Variants in KBTBD3 observed in about 807,000 individuals in gnomAD.
KBTBD3 encodes the protein kelch repeat and BTB domain containing 3.
KBTBD3 carries 38 observed loss-of-function variants against 49.6 expected under a neutral mutation model. The ratio of observed to expected loss-of-function variants is 0.77; its 90% CI spans 0.59 to 1.00. The LOEUF (loss-of-function observed/expected upper bound fraction) is 1.00, where lower values mean the gene tolerates loss of function less well. KBTBD3 is among the 50% of genes least tolerant of loss of function. The pLI is 0.00. For missense variants in KBTBD3, 661 were observed against 712.0 expected, an observed-to-expected ratio of 0.93 and a Z score of 0.81; for synonymous variants, 214 against 250.4, an observed-to-expected ratio of 0.85 and a Z score of 1.37.
In KBTBD3 at chr11:106,059,000, T is replaced by C. The variant is rs75373211; in HGVS notation, c.98A>G (p.Asp33Gly). Residue 33 changes from aspartate to glycine, a missense_variant, in exon 3 of 4, where the codon GAT (aspartate) becomes GGT (glycine). Physicochemically the swap from Asp to Gly is moderately conservative, Grantham distance 94. Transcript: ENST00000531837. ...TACACTTAAGATTTTTTGTCCATGA[T>C]CTTCTGATACAAGGAAGTTGTTTTT... ...EKKNNFLVSE[D>G]HGQKILSVLQ... 6.4e-6 allele frequency: 10 copies of C among 1,559,976 alleles called. No individual in the cohort carries two copies. The highest frequency in any genetic ancestry group is 8.6e-6 in the Non-Finnish European group (10 of 1,162,874).
chr11:106,052,837 C>T lies in KBTBD3; in HGVS notation c.*13G>A, dbSNP rs3737347. On this transcript the variant is annotated 3_prime_UTR_variant, in exon 4 of 4. Coordinates refer to ENST00000531837, the MANE Select transcript of KBTBD3 (RefSeq NM_198439.3). Reference sequence around the variant, plus strand: ...TACTTTAGGTTACTAGAACTGGACTCGTTTTAGAATGTTCAAGCACATAGA... The same window carrying T: ...TACTTTAGGTTACTAGAACTGGACTTGTTTTAGAATGTTCAAGCACATAGA... 280,934 of 1,585,156 alleles carry T rather than the reference C, an allele frequency of 0.18. 27,044 individuals carry two copies. The highest frequency in any genetic ancestry group is 0.38 in the East Asian group (16,706 of 44,540).
At chr11:106,064,880 C>T (rs1358826135) in intron 2 of KBTBD3, among the ~76,000 whole-genome samples, 1 of 152,170 alleles carries the variant, frequency 6.6e-6, no homozygotes, top group African/African-American at 2.4e-5. Context: ...TCTATATTTT[C>T]ATCCACTAAA....
chr11:106,064,474 G>A (rs923917424), intron 2 of KBTBD3, among the ~76,000 whole-genome samples: 2 of 151,640 alleles, frequency 1.3e-5, no homozygotes, highest in Admixed American at 1.3e-4. Context: ...AGCCTGGGAG[G>A]CAGAGGTTGC....
At chr11:106,069,050 TC>T (rs1323319513) in intron 2 of KBTBD3, among the ~76,000 whole-genome samples, 1 of 151,968 alleles carries the variant, frequency 6.6e-6, no homozygotes, top group East Asian at 1.9e-4. Flanking sequence ...GGGGAAAAGT[TC>T]CCCCTTCTCA....
intron 2 of KBTBD3, among the ~76,000 whole-genome samples, chr11:106,062,991 T>C (rs911534289): frequency 6.6e-6 from 1 of 152,264 alleles, no homozygotes; most frequent in Non-Finnish European, 1.5e-5. Context: ...TCTTCTTTTC[T>C]AATATTTATA....
intron 2 of KBTBD3, among the ~76,000 whole-genome samples, chr11:106,059,455 C>A (rs934848818): frequency 1.3e-5 from 2 of 152,126 alleles, no homozygotes; most frequent in African/African-American, 4.8e-5. Context: ...TTATTTCTAA[C>A]ATAGTTTTGA....
intron 2 of KBTBD3, among the ~76,000 whole-genome samples, chr11:106,074,230 CA>C (rs936224241): frequency 5.3e-5 from 8 of 151,512 alleles, no homozygotes; most frequent in African/African-American, 1.9e-4. Flanking sequence ...AAACATCAAA[CA>C]AAAATCTGTC....
At position 106,053,593 on chromosome 11, in the gene KBTBD3, A is replaced by G. The variant is rs369149125; in HGVS notation, c.1096T>C (p.Tyr366His). ...RTVRLHIAES[Y>H]HDATDQTWCY... is the part of the protein sequence containing the mutation. ...CAGGTTTGATCAGTGGCATCATGAT[A>G]TGACTCGGCAATATGCAGTCGAACC... Residue 366 changes from tyrosine (Y) to histidine (H), a missense_variant, in exon 4 of 4, where the codon TAT (tyrosine) becomes CAT (histidine). Physicochemically the swap from Tyr to His is moderately conservative, Grantham distance 83. Transcript: ENST00000531837. 6 of 1,613,782 alleles carry G rather than the reference A, an allele frequency of 3.7e-6. No homozygotes were observed. The African/African-American group carries it at 6.7e-5, about 18-fold the overall frequency.
rs1860426766 is a variant in KBTBD3 at position 106,051,926 on chromosome 11, A to C, written c.*924T>G. On this transcript the variant is annotated 3_prime_UTR_variant, in exon 4 of 4. Transcript: ENST00000531837. Reference sequence around the variant, plus strand: ...ATCCTGAAATGTTTTATGTAGCTGAAATTTGGATAAAGCTTAAGAAATGCC... The same window carrying C: ...ATCCTGAAATGTTTTATGTAGCTGACATTTGGATAAAGCTTAAGAAATGCC... The C allele has an allele frequency of 6.6e-6, 1 of 151,938 alleles. No homozygotes were observed. The allele number at this position is 151,938 out of a possible 1,614,324, so 9.4% of individuals were successfully genotyped here.
intron 2 of KBTBD3, 112 bp from the exon 3 acceptor site, chr11:106,059,221 A>G (rs1382857105): frequency 1.7e-6 from 1 of 589,086 alleles, no homozygotes; most frequent in Non-Finnish European, 2.9e-6. Flanking sequence ...GAAAAATAAT[A>G]AGACAGTAAA....
intron 2 of KBTBD3, among the ~76,000 whole-genome samples, chr11:106,068,112 G>T (rs577427933): frequency 6.7e-6 from 1 of 148,980 alleles, no homozygotes; most frequent in Non-Finnish European, 1.5e-5. Context: ...AGCAAAAACT[G>T]ATAAAACTGA....
chr11:106,052,138 T>A lies in KBTBD3; in HGVS notation c.*712A>T, dbSNP rs1231637000. ...AGAACTACTAATTAAATCCAGAATG[T>A]TAATTTACTAAGATTGAACCAGAAA... On this transcript the variant is annotated 3_prime_UTR_variant, in exon 4 of 4. Transcript: ENST00000531837. 1 of 151,708 alleles carries A rather than the reference T, an allele frequency of 6.6e-6. No homozygotes were observed. The highest frequency in any genetic ancestry group is 2.4e-5 in the African/African-American group (1 of 41,348). 9.4% of individuals were successfully genotyped at this position (151,708 alleles called of 1,614,324 possible).
Position 106,052,920 on chromosome 11 carries a change from G to A in KBTBD3, c.1769C>T (p.Thr590Ile), listed in dbSNP as rs766874656. 1.2e-6 allele frequency: 2 copies of A among 1,613,564 alleles called. No homozygotes were observed. Among genetic ancestry groups the A allele is most frequent in the South Asian group, 1.1e-5 (1 of 91,076 alleles). The stretch of plus-strand genomic sequence containing the variant: ...CTGAATCACCTGGCAGTAAAATTCT[G>A]TTAAGGCTCTAGGCATTGGTGAAAC... ...EEVSPMPRAL[T>I]EFYCQVIQFN... Residue 590 changes from threonine (T) to isoleucine (I), a missense_variant, in exon 4 of 4, where the codon ACA (threonine) becomes ATA (isoleucine). Transcript: ENST00000531837.
At chr11:106,074,031 A>G (rs1044549452) in intron 2 of KBTBD3, among the ~76,000 whole-genome samples, 2 of 152,174 alleles carry the variant, frequency 1.3e-5, no homozygotes, top group African/African-American at 4.8e-5. Context: ...TGTGGCAGGT[A>G]CTATTCTAGA....
At chr11:106,055,596 T>C (rs1860535199) in intron 3 of KBTBD3, among the ~76,000 whole-genome samples, 1 of 152,156 alleles carries the variant, frequency 6.6e-6, no homozygotes, top group East Asian at 1.9e-4. Context: ...AGGATAATAT[T>C]AAGAGTCCAT....
intron 2 of KBTBD3, among the ~76,000 whole-genome samples, chr11:106,063,924 T>C (rs541396213): frequency 2.6e-5 from 4 of 152,280 alleles, no homozygotes; most frequent in Admixed American, 2.0e-4. Context: ...AGAGAGACTC[T>C]GTCTCAAAAA....
intron 2 of KBTBD3, among the ~76,000 whole-genome samples, chr11:106,074,112 AC>A (rs1555076699): frequency 1.9e-4 from 14 of 73,778 alleles, no homozygotes; most frequent in South Asian, 5.6e-4. Context: ...AATGCCGAAC[AC>A]CCCCCCCCAC....
intron 2 of KBTBD3, among the ~76,000 whole-genome samples, chr11:106,070,461 G>A (rs765163141): frequency 9.9e-5 from 15 of 151,942 alleles, no homozygotes; most frequent in Admixed American, 3.9e-4. Flanking sequence ...TCACCAAAGA[G>A]AATATACAGA....
chr11:106,067,609 C>CA (rs35535283), intron 2 of KBTBD3, among the ~76,000 whole-genome samples: 88,786 of 141,016 alleles, frequency 0.63, 30,993 homozygotes, highest in Non-Finnish European at 0.78. Flanking sequence ...AAAACTCCGT[C>CA]AAAAAAAAAA....
Sources: gnomAD v4.1 joint callset for allele counts (sites outside exome capture counted in the v4.1 genomes callset) on GRCh38, gnomAD v4.1.1 for gene constraint, MANE v1.5 for transcripts, NCBI Gene and HGNC (gene_info 2026-07-23, HGNC 2026-07-21) for gene names.